Variants in B3GAT2 observed in about 807,000 individuals in gnomAD.
B3GAT2 encodes galactosylgalactosylxylosylprotein 3-beta-glucuronosyltransferase 2.
Under a neutral mutation model 27.8 loss-of-function variants are expected in B3GAT2, and 26 were observed. The ratio of observed to expected loss-of-function variants is 0.93; its 90% CI spans 0.68 to 1.30. The LOEUF (loss-of-function observed/expected upper bound fraction) is 1.30, where lower values mean the gene tolerates loss of function less well. Among genes scored for constraint, B3GAT2 ranks in the 50% most tolerant of loss-of-function variants. The pLI, the probability that B3GAT2 is intolerant of heterozygous loss-of-function variation, is 0.00. For synonymous variants in B3GAT2, 218 were observed against 195.1 expected, an observed-to-expected ratio of 1.12 and a Z score of -0.98; for missense variants, 458 against 459.0, an observed-to-expected ratio of 1.00 and a Z score of 0.02.
In B3GAT2 at chr6:70,894,235, C is replaced by T. The variant is rs749246454; in HGVS notation, c.629G>A (p.Gly210Asp). Residue 210 changes from glycine to aspartate, a missense_variant, in exon 2 of 4, where the codon GGC becomes GAC. Coordinates refer to ENST00000230053, the MANE Select transcript of B3GAT2 (RefSeq NM_080742.3). ...TTRKVSVWPVGLVGGRRYERP... is the reference protein window; with the variant it reads ...TTRKVSVWPVDLVGGRRYERP... ...TTCGTAGCGCCGCCCACCAACCAGG[C>T]CCACAGGCCAGACGGAGACCTTGCG... 6.2e-7 allele frequency: 1 copy of T among 1,612,652 alleles called. No homozygotes were observed. Among genetic ancestry groups the T allele is most frequent in the African/African-American group, 1.3e-5 (1 of 74,962 alleles).
intron 1 of B3GAT2, among the ~76,000 whole-genome samples, chr6:70,937,744 G>A (rs1460375727): frequency 6.6e-6 from 1 of 152,012 alleles, no homozygotes; most frequent in African/African-American, 2.4e-5. Flanking sequence ...GTATTGATGG[G>A]ACGTATCTCA....
At chr6:70,939,911 A>C (rs1765361240) in intron 1 of B3GAT2, among the ~76,000 whole-genome samples, 1 of 152,094 alleles carries the variant, frequency 6.6e-6, no homozygotes, top group African/African-American at 2.4e-5. Flanking sequence ...AAAATAATAA[A>C]AAAAATAAAA....
At chr6:70,927,997 G>A (rs187690117) in intron 1 of B3GAT2, among the ~76,000 whole-genome samples, 1 of 152,290 alleles carries the variant, frequency 6.6e-6, no homozygotes, top group Non-Finnish European at 1.5e-5. Flanking sequence ...TCAGACCATA[G>A]TGCAATCAAA....
chr6:70,912,279 A>G (rs1402021937), intron 1 of B3GAT2, among the ~76,000 whole-genome samples: 1 of 151,888 alleles, frequency 6.6e-6, no homozygotes, highest in Non-Finnish European at 1.5e-5. Flanking sequence ...GATAGCTCTT[A>G]TTATTTTGAG....
At chr6:70,873,135 GTTACTT>G (rs1191788087) in intron 2 of B3GAT2, among the ~76,000 whole-genome samples, 1 of 152,022 alleles carries the variant, frequency 6.6e-6, no homozygotes, top group Admixed American at 6.6e-5. Context: ...TACCTATGTA[GTTACTT>G]TTACTAGTGT....
At chr6:70,908,306 A>C (rs2150037528) in intron 1 of B3GAT2, among the ~76,000 whole-genome samples, 1 of 152,344 alleles carries the variant, frequency 6.6e-6, no homozygotes, top group East Asian at 1.9e-4. Flanking sequence ...CCTGACTCAC[A>C]GGAAAGTGGA....
intron 2 of B3GAT2, among the ~76,000 whole-genome samples, chr6:70,878,581 T>G (rs952964778): frequency 3.3e-5 from 5 of 152,232 alleles, no homozygotes; most frequent in African/African-American, 1.2e-4. Context: ...TTTGCTGCTG[T>G]GTTTTATTTA....
At chr6:70,933,375 T>C (rs1386672501) in intron 1 of B3GAT2, among the ~76,000 whole-genome samples, 2 of 151,984 alleles carry the variant, frequency 1.3e-5, no homozygotes, top group Admixed American at 1.3e-4. Flanking sequence ...GTTAAATTCA[T>C]TAAAGAAGAA....
In B3GAT2 at chr6:70,956,279, G is replaced by C. The variant is rs200678168; in HGVS notation, c.151C>G (p.Arg51Gly). The C allele has an allele frequency of 0.019, 30,620 of 1,606,630 alleles. 349 individuals are homozygous for C. Among genetic ancestry groups the C allele is most frequent in the Non-Finnish European group, 0.024 (27,760 of 1,176,230 alleles). ...GGGCCGCCCCTGCGGAGCGGGAGTCGGGCGCCCCCGCGGCCCACCGCGTAG... is the reference window on the plus strand; with the variant it reads ...GGGCCGCCCCTGCGGAGCGGGAGTCCGGCGCCCCCGCGGCCCACCGCGTAG... ...SPYAVGRGGA[R>G]LPLRRGGPAH... Residue 51 changes from arginine to glycine, a missense_variant, in exon 1 of 4, where the codon CGA becomes GGA. Physicochemically the swap from Arg to Gly is moderately radical, Grantham distance 125. Transcript: ENST00000230053.
At chr6:70,943,363 G>C (rs1032896539) in intron 1 of B3GAT2, among the ~76,000 whole-genome samples, 1 of 152,212 alleles carries the variant, frequency 6.6e-6, no homozygotes, top group Non-Finnish European at 1.5e-5. Flanking sequence ...GCTCCTCCAA[G>C]CACATCTCTG....
intron 1 of B3GAT2, among the ~76,000 whole-genome samples, chr6:70,949,830 T>C: frequency 6.6e-6 from 1 of 151,308 alleles, no homozygotes; most frequent in Non-Finnish European, 1.5e-5. Flanking sequence ...ATAGACTGGA[T>C]TAAGAAAATG....
At chr6:70,906,426 T>A (rs1292009717) in intron 1 of B3GAT2, among the ~76,000 whole-genome samples, 1 of 152,038 alleles carries the variant, frequency 6.6e-6, no homozygotes, top group Non-Finnish European at 1.5e-5. Context: ...AAGCTTGACC[T>A]CCTCCTGGGC....
intron 2 of B3GAT2, among the ~76,000 whole-genome samples, chr6:70,862,703 C>T (rs1170671054): frequency 6.6e-6 from 1 of 152,138 alleles, no homozygotes; most frequent in Admixed American, 6.5e-5. Context: ...GGCACAGTGT[C>T]TCACATCTGT....
Position 70,876,105 on chromosome 6 carries a change from G to C in B3GAT2, c.737-14127C>G, listed in dbSNP as rs1188096436. ...CCTTCAGAGTTTACTTGTATATGCT[G>C]GGCATGGCAGAGTCAACATGCTTGA... On this transcript the variant is annotated intron_variant, in intron 2 of 3. Transcript: ENST00000230053. Among the ~76,000 whole-genome samples, 5 of 152,164 alleles carry C rather than the reference G, an allele frequency of 3.3e-5. No individual in the cohort carries two copies. In the East Asian group the frequency reaches 7.7e-4, roughly 23 times the overall value.
At chr6:70,915,184 G>A (rs1316009143) in intron 1 of B3GAT2, among the ~76,000 whole-genome samples, 7 of 151,980 alleles carry the variant, frequency 4.6e-5, no homozygotes, top group African/African-American at 1.7e-4. Context: ...TCATATGTCT[G>A]TTGGCTGCAT....
chr6:70,918,762 C>A (rs1772818291), intron 1 of B3GAT2, among the ~76,000 whole-genome samples: 1 of 152,170 alleles, frequency 6.6e-6, no homozygotes, highest in Non-Finnish European at 1.5e-5. Flanking sequence ...GCTGAGAGAT[C>A]TGCTGTTAGT....
intron 2 of B3GAT2, among the ~76,000 whole-genome samples, chr6:70,889,601 T>C: frequency 6.6e-6 from 1 of 152,070 alleles, no homozygotes; most frequent in Non-Finnish European, 1.5e-5. Flanking sequence ...TCAGAACTTG[T>C]CAAAATCACA....
chr6:70,911,944 G>T (rs184167427), intron 1 of B3GAT2, among the ~76,000 whole-genome samples: 1 of 152,246 alleles, frequency 6.6e-6, no homozygotes, highest in Admixed American at 6.5e-5. Flanking sequence ...TTGGCTCTCA[G>T]CTTGGATGTT....
In B3GAT2 at chr6:70,935,089, A is replaced by ATATTATGC. The variant is rs565180474; in HGVS notation, c.591+20742_591+20749dup. On this transcript the variant is annotated intron_variant, in intron 1 of 3. Coordinates refer to ENST00000230053, the MANE Select transcript of B3GAT2 (RefSeq NM_080742.3). Reference sequence around the variant, plus strand: ...TAGGGAGATGACTTTGAACCTCAAAATATTATGCTAAGATAAAATTCTGAG... The same window carrying ATATTATGC: ...TAGGGAGATGACTTTGAACCTCAAAATATTATGCTATTATGCTAAGATAAAATTCTGAG... 5.7e-3 allele frequency among the ~76,000 whole-genome samples: 862 copies of ATATTATGC among 152,228 alleles called. 5 individuals carry two copies. The highest frequency in any genetic ancestry group is 0.041 in the Middle Eastern group (12 of 294).
Sources: allele counts gnomAD v4.1 joint callset (sites outside exome capture counted in the v4.1 genomes callset), GRCh38; gene constraint gnomAD v4.1.1; transcripts MANE v1.5; gene names NCBI Gene and HGNC (gene_info 2026-07-23, HGNC 2026-07-21).